Variants in DMD observed in about 807,000 individuals in gnomAD.
DMD encodes dystrophin.
Under a neutral mutation model 330.1 loss-of-function variants are expected in DMD, and 63 were observed. The ratio of observed to expected loss-of-function variants is 0.19; its 90% CI spans 0.16 to 0.24. The LOEUF is 0.24. Ranked by LOEUF, DMD falls within the 10% of genes least tolerant of loss-of-function variation. The pLI is 1.00. For synonymous variants in DMD, 1,223 were observed against 959.8 expected, an observed-to-expected ratio of 1.27 and a Z score of -5.07; for missense variants, 3,344 against 2,684.1, an observed-to-expected ratio of 1.25 and a Z score of -5.43.
intron 9 of DMD, among the ~76,000 whole-genome samples, chrX:32,678,951 A>T (rs1357760195): frequency 8.9e-6 from 1 of 112,425 alleles, no homozygotes; most frequent in African/African-American, 3.2e-5. Flanking sequence ...ACTGAAAGAA[A>T]AAACAACTAT....
chrX:31,609,095 G>T (rs1313878674), intron 55 of DMD, among the ~76,000 whole-genome samples: 1 of 111,729 alleles, frequency 9.0e-6, no homozygotes, highest in East Asian at 2.8e-4. Context: ...TGTTATCAGT[G>T]ATTAACCTGC....
chrX:33,268,907 CAAAAA>C (rs202219233), intron 1 of DMD, among the ~76,000 whole-genome samples: 492 of 43,313 alleles, frequency 0.011, 4 homozygotes, highest in African/African-American at 0.023. Flanking sequence ...GCCTGGGTGA[CAAAAA>C]AAAAAAAAAA....
At chrX:31,563,803 T>C (rs2075324045) in intron 55 of DMD, among the ~76,000 whole-genome samples, 1 of 112,293 alleles carries the variant, frequency 8.9e-6, no homozygotes, top group Admixed American at 9.4e-5. Context: ...TGGAACAATA[T>C]GTAGTCATTA....
chrX:31,622,868 ATATATAT>A (rs2078622419), intron 55 of DMD, among the ~76,000 whole-genome samples: 6 of 92,461 alleles, frequency 6.5e-5, no homozygotes, highest in Non-Finnish European at 1.3e-4. Flanking sequence ...ATATATATAT[ATATATAT>A]ATACACACAC....
intron 61 of DMD, among the ~76,000 whole-genome samples, chrX:31,328,758 T>A (rs2056933441): frequency 9.1e-6 from 1 of 110,449 alleles, no homozygotes; most frequent in Non-Finnish European, 1.9e-5. Flanking sequence ...AATTGCTTTG[T>A]AAAATGTTAA....
At chrX:32,680,201 C>T (rs559658954) in intron 9 of DMD, among the ~76,000 whole-genome samples, 1 of 109,970 alleles carries the variant, frequency 9.1e-6, no homozygotes, top group African/African-American at 3.3e-5. Flanking sequence ...CATGAGCCAC[C>T]GTGCCTGGCC....
chrX:32,667,683 T>C (rs2061387659), intron 9 of DMD, among the ~76,000 whole-genome samples: 1 of 111,147 alleles, frequency 9.0e-6, no homozygotes, highest in African/African-American at 3.3e-5. Flanking sequence ...ACATGTATAA[T>C]ATTTGTCTTT....
chrX:31,881,866 A>C (rs1406679084), intron 47 of DMD, among the ~76,000 whole-genome samples: 1 of 112,201 alleles, frequency 8.9e-6, no homozygotes, highest in African/African-American at 3.2e-5. Flanking sequence ...TAAGAAATGC[A>C]TGACTATATA....
chrX:33,185,178 A>C (rs1472157912), intron 1 of DMD, among the ~76,000 whole-genome samples: 1 of 111,436 alleles, frequency 9.0e-6, no homozygotes, highest in Non-Finnish European at 1.9e-5. Flanking sequence ...ACTCCAAAGA[A>C]AAACGTAAAT....
intron 44 of DMD, among the ~76,000 whole-genome samples, chrX:32,154,381 A>G (rs1252260682): frequency 8.9e-6 from 1 of 112,636 alleles, no homozygotes; most frequent in Non-Finnish European, 1.9e-5. Context: ...TATCTTCTTT[A>G]CATAACCGTA....
chrX:32,560,984 C>G (rs1032870725), intron 16 of DMD, among the ~76,000 whole-genome samples: 2 of 111,443 alleles, frequency 1.8e-5, no homozygotes, highest in African/African-American at 6.5e-5. Flanking sequence ...ATTTCTGGTT[C>G]TAGTTCTTTG....
At chrX:32,803,045 C>A (rs1408840876) in intron 7 of DMD, among the ~76,000 whole-genome samples, 1 of 111,822 alleles carries the variant, frequency 8.9e-6, no homozygotes, top group Non-Finnish European at 1.9e-5. Flanking sequence ...AGGAATGGTA[C>A]TAGCTCCTCT....
intron 67 of DMD, among the ~76,000 whole-genome samples, chrX:31,202,948 G>A (rs1449395205): frequency 8.9e-6 from 1 of 112,001 alleles, no homozygotes; most frequent in Non-Finnish European, 1.9e-5. Flanking sequence ...AAAGACAAAA[G>A]CTAAACGATA....
intron 47 of DMD, among the ~76,000 whole-genome samples, chrX:31,921,707 T>C (rs901024175): frequency 1.8e-5 from 2 of 112,440 alleles, no homozygotes; most frequent in East Asian, 2.8e-4. Context: ...TACTACCTCA[T>C]TGAATTTTCA....
At chrX:32,458,469 C>T (rs940764922) in intron 25 of DMD, among the ~76,000 whole-genome samples, 13 of 111,191 alleles carry the variant, frequency 1.2e-4, no homozygotes, top group African/African-American at 4.2e-4. Context: ...GTGCAGATAC[C>T]TCCTTGAGAT....
intron 1 of DMD, among the ~76,000 whole-genome samples, chrX:33,284,148 A>C (rs2148924298): frequency 9.0e-6 from 1 of 111,237 alleles, no homozygotes; most frequent in Non-Finnish European, 1.9e-5. Context: ...CATATGATAA[A>C]GTATTCATTA....
At chrX:33,049,809 TC>T (rs1169174981) in intron 1 of DMD, among the ~76,000 whole-genome samples, 1 of 111,853 alleles carries the variant, frequency 8.9e-6, no homozygotes, top group African/African-American at 3.2e-5. Flanking sequence ...CTTGGATACT[TC>T]TGTTAAGTTC....
At chrX:32,945,508 T>C (rs1227049742) in intron 2 of DMD, among the ~76,000 whole-genome samples, 1 of 111,163 alleles carries the variant, frequency 9.0e-6, no homozygotes, top group African/African-American at 3.3e-5. Flanking sequence ...TTCTTTTACT[T>C]GGCTTCTTTC....
chrX:32,506,074 A>C (rs1232514607), intron 18 of DMD, among the ~76,000 whole-genome samples: 1 of 112,050 alleles, frequency 8.9e-6, no homozygotes, highest in Non-Finnish European at 1.9e-5. Context: ...GTGAAATTAC[A>C]CCGCATAACA....
Sources: allele counts gnomAD v4.1 joint callset (sites outside exome capture counted in the v4.1 genomes callset), GRCh38; gene constraint gnomAD v4.1.1; transcripts MANE v1.5; gene names NCBI Gene and HGNC (gene_info 2026-07-23, HGNC 2026-07-21).